The following GMDS variants were observed in gnomAD, a reference collection of about 807,000 sequenced individuals.
GMDS encodes the protein GDP-mannose 4,6 dehydratase.
GMDS carries 20 observed loss-of-function variants against 49.9 expected under a neutral mutation model. The observed-to-expected ratio is 0.40, with a 90% CI of 0.28 to 0.58. The LOEUF (loss-of-function observed/expected upper bound fraction) is 0.58. Among genes scored for constraint, GMDS ranks in the 20% least tolerant of loss-of-function variants. The pLI is 0.42. For synonymous variants in GMDS, 177 were observed against 178.6 expected (o/e 0.99, Z 0.07); for missense variants, 362 against 481.4 (o/e 0.75, Z 2.32).
At chr6:1,711,247 A>C (rs886350992) in intron 9 of GMDS, among the ~76,000 whole-genome samples, 3 of 152,236 alleles carry the variant, frequency 2.0e-5, no homozygotes, top group Non-Finnish European at 4.4e-5. Flanking sequence ...AGGCTTGGCC[A>C]GCCTCAGAGC....
intron 9 of GMDS, among the ~76,000 whole-genome samples, chr6:1,668,701 T>TG (rs1415905337): frequency 6.7e-6 from 1 of 150,114 alleles, no homozygotes; most frequent in Non-Finnish European, 1.5e-5. Context: ...AGTAAGACTC[T>TG]GTCTAAACAA....
At chr6:2,039,923 G>A (rs188498295) in intron 4 of GMDS, among the ~76,000 whole-genome samples, 171 of 152,206 alleles carry the variant, frequency 1.1e-3, no homozygotes, top group Non-Finnish European at 8.7e-4. Context: ...AACTGTATGC[G>A]CTAGACTTCT....
chr6:1,823,267 A>G (rs1770971274), intron 7 of GMDS, among the ~76,000 whole-genome samples: 1 of 152,212 alleles, frequency 6.6e-6, no homozygotes, highest in Non-Finnish European at 1.5e-5. Flanking sequence ...GAAATTAGTG[A>G]AAAATTACTA....
At chr6:2,088,543 T>C (rs1773140541) in intron 4 of GMDS, among the ~76,000 whole-genome samples, 2 of 152,214 alleles carry the variant, frequency 1.3e-5, no homozygotes, top group Admixed American at 1.3e-4. Flanking sequence ...TTGTACAAAA[T>C]AAATAGTTTC....
intron 9 of GMDS, among the ~76,000 whole-genome samples, chr6:1,665,248 C>G (rs547893434): frequency 6.6e-6 from 1 of 152,338 alleles, no homozygotes; most frequent in East Asian, 1.9e-4. Flanking sequence ...TCTCTCCCCC[C>G]TCCTGGCTTA....
In GMDS at chr6:1,914,421, C is replaced by T. The variant is rs187590343; in HGVS notation, c.771+15682G>A. Among the ~76,000 whole-genome samples, 1,426 of 148,288 alleles carry T rather than the reference C, an allele frequency of 9.6e-3. 8 individuals carry two copies. Among genetic ancestry groups the T allele is most frequent in the Non-Finnish European group, 0.014 (969 of 67,390 alleles). ...GGTGGAGCTTAAAGTGAGCCGAGAT[C>T]GCACCACTGCACTCCAGCCTGGGCA... On this transcript the variant is annotated intron_variant, in intron 7 of 10. Coordinates refer to ENST00000380815, the MANE Select transcript of GMDS (RefSeq NM_001500.4).
intron 1 of GMDS, among the ~76,000 whole-genome samples, chr6:2,241,018 G>A (rs750114379): frequency 6.6e-6 from 1 of 152,172 alleles, no homozygotes; most frequent in Non-Finnish European, 1.5e-5. Context: ...AGGGAGCCAG[G>A]TGCTAATAGT....
Position 1,778,190 on chromosome 6 carries a change from C to T in GMDS, c.772-35604G>A, listed in dbSNP as rs1057143702. On this transcript the variant is annotated intron_variant, in intron 7 of 10. Transcript: ENST00000380815. This position sits in a 1 kb window ranked among gnomAD's most constrained non-coding sequence, Gnocchi z 4.6. ...CCTTCTCAACACCTCACGAAAAGCG[C>T]CCTTGGGTCTCATTTTGCTGGGATG... Among the ~76,000 whole-genome samples, 8 of 152,144 alleles carry T rather than the reference C, an allele frequency of 5.3e-5. No homozygotes were observed. The highest frequency in any genetic ancestry group is 4.6e-4 in the Admixed American group (7 of 15,278).
intron 7 of GMDS, among the ~76,000 whole-genome samples, chr6:1,817,866 A>G (rs1204812067): frequency 6.6e-6 from 1 of 152,228 alleles, no homozygotes; most frequent in Non-Finnish European, 1.5e-5. Flanking sequence ...TACGGTAAGG[A>G]AGATTATAAC....
chr6:1,877,386 T>C (rs1463996812), intron 7 of GMDS, among the ~76,000 whole-genome samples: 1 of 152,116 alleles, frequency 6.6e-6, no homozygotes, highest in Admixed American at 6.5e-5. Flanking sequence ...ACCTCTGTAA[T>C]CTCAGTACTT....
intron 9 of GMDS, among the ~76,000 whole-genome samples, chr6:1,698,352 C>T (rs1042094565): frequency 8.5e-5 from 13 of 152,230 alleles, no homozygotes; most frequent in East Asian, 5.8e-4. Flanking sequence ...ATCTTTTAAA[C>T]GCAAACCTGG....
intron 1 of GMDS, among the ~76,000 whole-genome samples, chr6:2,158,192 T>C (rs1443080242): frequency 6.6e-6 from 1 of 152,150 alleles, no homozygotes; most frequent in Non-Finnish European, 1.5e-5. Flanking sequence ...TTAAAAACAA[T>C]AGCAAAATAG....
chr6:1,665,240 T>C (rs993651532), intron 9 of GMDS, among the ~76,000 whole-genome samples: 1 of 152,200 alleles, frequency 6.6e-6, no homozygotes, highest in Non-Finnish European at 1.5e-5. Flanking sequence ...TAATGCTATC[T>C]CTCCCCCCTC....
At chr6:1,886,981 T>G (rs1247019423) in intron 7 of GMDS, among the ~76,000 whole-genome samples, 2 of 152,182 alleles carry the variant, frequency 1.3e-5, no homozygotes, top group Non-Finnish European at 2.9e-5. Context: ...GCTCTGCACT[T>G]ATACAGATGT....
intron 4 of GMDS, among the ~76,000 whole-genome samples, chr6:2,089,405 A>C (rs1204210494): frequency 6.6e-6 from 1 of 152,306 alleles, no homozygotes; most frequent in East Asian, 1.9e-4. Context: ...AACCGAGAAC[A>C]AAATAAAATA....
In GMDS at chr6:1,982,336, C is replaced by T. The variant is rs931970129; in HGVS notation, c.346-21370G>A. ...TGAAAACCAGCACAAGACAAGGATG[C>T]CCTCTCTCACCACTCCTATTCAACA... is the stretch of plus-strand genomic sequence containing the variant. On this transcript the variant is annotated intron_variant, in intron 4 of 10. Transcript: ENST00000380815. 2.0e-5 allele frequency among the ~76,000 whole-genome samples: 3 copies of T among 152,126 alleles called. No homozygotes were observed. In the South Asian group the frequency reaches 6.2e-4, roughly 32 times the overall value.
intron 7 of GMDS, among the ~76,000 whole-genome samples, chr6:1,796,381 T>C (rs1769735477): frequency 6.6e-6 from 1 of 152,228 alleles, no homozygotes; most frequent in African/African-American, 2.4e-5. Flanking sequence ...AGACTACTCT[T>C]AGTGTATTTT....
chr6:1,897,923 A>T (rs886753100), intron 7 of GMDS, among the ~76,000 whole-genome samples: 9 of 138,656 alleles, frequency 6.5e-5, no homozygotes, highest in South Asian at 2.3e-4. Context: ...CTCCACGGCC[A>T]CCCTTGCCAT....
chr6:2,196,251 T>A (rs1025398719), intron 1 of GMDS, among the ~76,000 whole-genome samples: 4 of 152,248 alleles, frequency 2.6e-5, no homozygotes, highest in African/African-American at 9.6e-5. Context: ...AGATGCTATA[T>A]ACTTGAGCCA....
Sources: allele counts gnomAD v4.1 joint callset (sites outside exome capture counted in the v4.1 genomes callset), GRCh38; gene constraint gnomAD v4.1.1; non-coding constraint Gnocchi (gnomAD v3.1); transcripts MANE v1.5; gene names NCBI Gene and HGNC (gene_info 2026-07-23, HGNC 2026-07-21).